SLC25A48: variants seen among roughly 807,000 people sequenced by gnomAD.
The protein encoded by SLC25A48 is CTC-321K16.1.
A neutral mutation model predicts 32.2 loss-of-function variants in SLC25A48; 29 were observed. The observed-to-expected ratio is 0.90, with a 90% CI of 0.67 to 1.23. SLC25A48 has a LOEUF of 1.23. Among genes scored for constraint, SLC25A48 ranks in the 50% most tolerant of loss-of-function variants. The pLI is 0.00. For missense variants in SLC25A48, 399 were observed against 422.7 expected (o/e 0.94, Z 0.49); for synonymous variants, 164 against 172.3 (o/e 0.95, Z 0.38).
At chr5:135,757,846 G>T (rs572318961) in intron 3 of SLC25A48, among the ~76,000 whole-genome samples, 11 of 150,290 alleles carry the variant, frequency 7.3e-5, no homozygotes, top group Middle Eastern at 9.4e-3. Context: ...ATAATAGCTA[G>T]TGTTAACTCA....
chr5:135,655,133 G>A (rs1264578591), intron 3 of SLC25A48, among the ~76,000 whole-genome samples: 1 of 152,156 alleles, frequency 6.6e-6, no homozygotes, highest in Non-Finnish European at 1.5e-5. Context: ...GCGAATCCGA[G>A]ATCTATAAAG....
chr5:135,859,747 A>G (rs193090872), intron 4 of SLC25A48, among the ~76,000 whole-genome samples: 107 of 152,302 alleles, frequency 7.0e-4, no homozygotes, highest in African/African-American at 2.4e-3. Flanking sequence ...GTGAGGCCAC[A>G]GGAGCAGGGT....
At chr5:135,596,296 T>C (rs1371346824) in intron 1 of SLC25A48, among the ~76,000 whole-genome samples, 1 of 152,142 alleles carries the variant, frequency 6.6e-6, no homozygotes, top group African/African-American at 2.4e-5. Context: ...TTGGTAACCA[T>C]AGAGATGAAA....
intron 7 of SLC25A48, among the ~76,000 whole-genome samples, chr5:135,884,326 G>A (rs181153030): frequency 4.6e-5 from 7 of 152,230 alleles, no homozygotes; most frequent in Non-Finnish European, 1.0e-4. Context: ...TTACTGGAGC[G>A]GAGGGTTCCA....
upstream of SLC25A48, among the ~76,000 whole-genome samples, chr5:135,833,756 A>C (rs1758297689): frequency 6.6e-6 from 1 of 152,156 alleles, no homozygotes; most frequent in Non-Finnish European, 1.5e-5. Flanking sequence ...CTTCACCTCC[A>C]AGTCCCCACT....
At chr5:135,808,240 CTT>C (rs1366936847) in intron 3 of SLC25A48, among the ~76,000 whole-genome samples, 1 of 149,944 alleles carries the variant, frequency 6.7e-6, no homozygotes, top group African/African-American at 2.4e-5. Context: ...TGTATTAACA[CTT>C]GATATTATTA....
intron 1 of SLC25A48, among the ~76,000 whole-genome samples, chr5:135,588,399 G>A (rs1221190885): frequency 1.3e-5 from 2 of 152,212 alleles, no homozygotes; most frequent in African/African-American, 2.4e-5. Flanking sequence ...ATTCTGGTAA[G>A]CAAAATCCTC....
At chr5:135,790,695 T>C (rs960987028) in intron 3 of SLC25A48, among the ~76,000 whole-genome samples, 3 of 152,030 alleles carry the variant, frequency 2.0e-5, no homozygotes, top group Non-Finnish European at 2.9e-5. Context: ...CTACTCCTAA[T>C]GTCACAGTGG....
intron 6 of SLC25A48, among the ~76,000 whole-genome samples, chr5:135,878,425 G>T (rs562218387): frequency 6.6e-6 from 1 of 152,336 alleles, no homozygotes; most frequent in African/African-American, 2.4e-5. Context: ...TTCCAGAAAG[G>T]TTAGACATTA....
At chr5:135,853,316 C>T (rs986332495) in intron 4 of SLC25A48, among the ~76,000 whole-genome samples, 4 of 152,110 alleles carry the variant, frequency 2.6e-5, no homozygotes, top group Non-Finnish European at 5.9e-5. Flanking sequence ...TTTGCCATAT[C>T]CATTGACTTC....
At chr5:135,677,176 T>C (rs1392010609) in intron 3 of SLC25A48, among the ~76,000 whole-genome samples, 1 of 152,066 alleles carries the variant, frequency 6.6e-6, no homozygotes, top group African/African-American at 2.4e-5. Flanking sequence ...TCATATTCTC[T>C]TGCTGGATTG....
At chr5:135,612,902 G>A (rs555210757) in intron 1 of SLC25A48, among the ~76,000 whole-genome samples, 1 of 152,300 alleles carries the variant, frequency 6.6e-6, no homozygotes, top group South Asian at 2.1e-4. Flanking sequence ...ATATCCCTTT[G>A]ATATACTGAT....
intron 3 of SLC25A48, among the ~76,000 whole-genome samples, chr5:135,779,353 A>G (rs1756661645): frequency 1.3e-5 from 2 of 151,762 alleles, no homozygotes; most frequent in Non-Finnish European, 1.5e-5. Context: ...GTTACAGTCA[A>G]TATTGCAGGG....
chr5:135,766,525 T>C (rs1023433922), intron 3 of SLC25A48, among the ~76,000 whole-genome samples: 3 of 150,392 alleles, frequency 2.0e-5, no homozygotes, highest in Admixed American at 2.0e-4. Context: ...CCTCATATCG[T>C]GGGGGGTGTA....
At chr5:135,652,934 A>G (rs538165229) in intron 3 of SLC25A48, among the ~76,000 whole-genome samples, 2 of 152,304 alleles carry the variant, frequency 1.3e-5, no homozygotes, top group African/African-American at 4.8e-5. Context: ...GTAGGGCCTA[A>G]TGCAAGGTGT....
chr5:135,633,910 T>C (rs1752637542), intron 2 of SLC25A48, among the ~76,000 whole-genome samples: 3 of 152,242 alleles, frequency 2.0e-5, no homozygotes, highest in Admixed American at 2.0e-4. Context: ...AATCTTATAT[T>C]GGCAAATGGC....
At chr5:135,645,285 T>C (rs940436280) in intron 3 of SLC25A48, among the ~76,000 whole-genome samples, 39 of 152,196 alleles carry the variant, frequency 2.6e-4, no homozygotes, top group African/African-American at 7.7e-4. Flanking sequence ...GAGTTTTCCA[T>C]TGTTATTTTT....
intron 3 of SLC25A48, among the ~76,000 whole-genome samples, chr5:135,714,449 A>T (rs962313701): frequency 6.6e-6 from 1 of 152,122 alleles, no homozygotes; most frequent in Non-Finnish European, 1.5e-5. Flanking sequence ...CCTGCAATCT[A>T]TTCAGTGTGG....
intron 3 of SLC25A48, among the ~76,000 whole-genome samples, chr5:135,798,893 A>G (rs1757251591): frequency 6.6e-6 from 1 of 151,662 alleles, no homozygotes; most frequent in South Asian, 2.1e-4. Context: ...CATGGGGATG[A>G]CGATGATATT....
Sources: gnomAD v4.1 joint callset for allele counts (sites outside exome capture counted in the v4.1 genomes callset) on GRCh38, gnomAD v4.1.1 for gene constraint, MANE v1.5 for transcripts, NCBI Gene and HGNC (gene_info 2026-07-23, HGNC 2026-07-21) for gene names.